The following PDZD2 variants were observed in gnomAD, a reference collection of about 807,000 sequenced individuals.
The protein encoded by PDZD2 is PDZ domain-containing protein 2.
In PDZD2, 90 loss-of-function variants were observed where a neutral mutation model predicts 220.7. The observed-to-expected ratio is 0.41, with a 90% CI of 0.34 to 0.49. PDZD2 has a LOEUF of 0.49. Ranked by LOEUF, PDZD2 falls within the 20% of genes least tolerant of loss-of-function variation. The pLI, the probability that PDZD2 is intolerant of heterozygous loss-of-function variation, is 0.28. For missense variants in PDZD2, 3,174 were observed against 3,608.5 expected, an observed-to-expected ratio of 0.88 and a Z score of 3.08; for synonymous variants, 1,375 against 1,450.5, an observed-to-expected ratio of 0.95 and a Z score of 1.18.
intron 1 of PDZD2, among the ~76,000 whole-genome samples, chr5:31,750,514 TGTGCAA>T (rs1750890001): frequency 6.6e-6 from 1 of 152,088 alleles, no homozygotes; most frequent in Non-Finnish European, 1.5e-5. Context: ...ATGAACACAA[TGTGCAA>T]GTGCATGTGT....
Position 32,110,251 on chromosome 5 carries a change from G to A in PDZD2, c.*2116G>A, listed in dbSNP as rs1745256094. The A allele has an allele frequency of 6.6e-6, 1 of 152,638 alleles. No individual in the cohort carries two copies. The highest frequency in any genetic ancestry group is 1.5e-5 in the Non-Finnish European group (1 of 68,052). 9.5% of individuals were successfully genotyped at this position (152,638 alleles called of 1,614,324 possible). On this transcript the variant is annotated 3_prime_UTR_variant, in exon 25 of 25. Transcript: ENST00000438447. ...TGTGCAATGTGGAGCAAATGGAATGGTCTCCTTCCGCAAGTCTTTTTAATC... is the reference window on the plus strand; with the variant it reads ...TGTGCAATGTGGAGCAAATGGAATGATCTCCTTCCGCAAGTCTTTTTAATC...
At chr5:31,764,190 T>C (rs1751847181) in intron 1 of PDZD2, among the ~76,000 whole-genome samples, 1 of 152,196 alleles carries the variant, frequency 6.6e-6, no homozygotes, top group South Asian at 2.1e-4. Flanking sequence ...CATGATAAAG[T>C]AAAGCATGAT....
At chr5:31,832,942 C>T (rs914462911) in intron 2 of PDZD2, among the ~76,000 whole-genome samples, 1 of 152,162 alleles carries the variant, frequency 6.6e-6, no homozygotes, top group African/African-American at 2.4e-5. Context: ...CCTTGGGGAA[C>T]ACATTGGTGT....
intron 24 of PDZD2, chr5:32,103,764 A>G (rs1055970908): frequency 6.6e-5 from 10 of 152,414 alleles, no homozygotes; most frequent in African/African-American, 2.4e-4. Flanking sequence ...TGCGAACCGA[A>G]GGACCAGGGC....
intron 4 of PDZD2, among the ~76,000 whole-genome samples, chr5:31,998,927 G>C (rs1751870977): frequency 6.6e-6 from 1 of 152,238 alleles, no homozygotes; most frequent in Non-Finnish European, 1.5e-5. Flanking sequence ...AGCCATGTCT[G>C]GCTCCTTTGG....
chr5:31,682,286 GT>G (rs1746681226), intron 1 of PDZD2, among the ~76,000 whole-genome samples: 1 of 152,186 alleles, frequency 6.6e-6, no homozygotes, highest in African/African-American at 2.4e-5. Context: ...TCTGTTTTAA[GT>G]TTGGGTGTGC....
Position 32,074,478 on chromosome 5 carries a change from A to G in PDZD2, c.3372A>G (p.Val1124=). 3 of 1,614,116 alleles carry G rather than the reference A, an allele frequency of 1.9e-6. No homozygotes were observed. The highest frequency in any genetic ancestry group is 2.5e-6 in the Non-Finnish European group (3 of 1,179,924). ...LGSRHRPVAR[V]SPHCKRSEAE... ...CCAGGCACAGACCAGTGGCCAGGGTAAGCCCCCACTGCAAGAGATCCGAGG... is the reference window on the plus strand; with the variant it reads ...CCAGGCACAGACCAGTGGCCAGGGTGAGCCCCCACTGCAAGAGATCCGAGG... Residue 1124 remains valine, a synonymous_variant, in exon 18 of 25, where the codon GTA becomes GTG. Coordinates refer to ENST00000438447, the MANE Select transcript of PDZD2 (RefSeq NM_178140.4).
At chr5:31,786,625 C>A (rs543417064) in intron 1 of PDZD2, among the ~76,000 whole-genome samples, 1 of 152,178 alleles carries the variant, frequency 6.6e-6, no homozygotes, top group African/African-American at 2.4e-5. Context: ...CCTAATGAGG[C>A]CAGCTACTTC....
chr5:32,041,316 A>G (rs958093456), intron 7 of PDZD2, among the ~76,000 whole-genome samples: 5 of 151,798 alleles, frequency 3.3e-5, no homozygotes, highest in Non-Finnish European at 5.9e-5. Context: ...CGGCTGCCCC[A>G]TCTGGGAGGT....
chr5:31,789,670 T>C (rs1211013460), intron 1 of PDZD2, among the ~76,000 whole-genome samples: 1 of 152,240 alleles, frequency 6.6e-6, no homozygotes, highest in Non-Finnish European at 1.5e-5. Flanking sequence ...GGCTCATGCC[T>C]ATAACGCCAG....
chr5:32,064,535 G>A (rs1415051444), intron 14 of PDZD2, among the ~76,000 whole-genome samples: 1 of 151,794 alleles, frequency 6.6e-6, no homozygotes, highest in African/African-American at 2.4e-5. Flanking sequence ...GAGCCACCAC[G>A]CCCGGCCTCA....
chr5:32,067,362 A>G (rs1310880042), intron 14 of PDZD2, among the ~76,000 whole-genome samples: 2 of 151,540 alleles, frequency 1.3e-5, no homozygotes, highest in East Asian at 1.9e-4. Context: ...TAGTATTAAG[A>G]AAAACAGCAA....
At chr5:32,097,666 T>G (rs570460659) in intron 22 of PDZD2, among the ~76,000 whole-genome samples, 1 of 152,294 alleles carries the variant, frequency 6.6e-6, no homozygotes, top group South Asian at 2.1e-4. Context: ...TAGAAAACAT[T>G]AGAATCAACT....
At chr5:31,700,123 G>A (rs1459868287) in intron 1 of PDZD2, among the ~76,000 whole-genome samples, 1 of 152,194 alleles carries the variant, frequency 6.6e-6, no homozygotes, top group African/African-American at 2.4e-5. Flanking sequence ...GCCAGGCAGA[G>A]GCCGTGGGAA....
At chr5:31,664,335 A>C (rs912177085) in intron 1 of PDZD2, among the ~76,000 whole-genome samples, 4 of 152,092 alleles carry the variant, frequency 2.6e-5, no homozygotes, top group Non-Finnish European at 5.9e-5. Flanking sequence ...TTAACATAAC[A>C]AAAAATCATT....
At chr5:31,812,236 G>GA (rs1482532186) in intron 2 of PDZD2, among the ~76,000 whole-genome samples, 1 of 152,056 alleles carries the variant, frequency 6.6e-6, no homozygotes, top group Non-Finnish European at 1.5e-5. Flanking sequence ...GCTAAGGTGA[G>GA]AAGCCTGAAA....
At chr5:31,647,816 C>A (rs1745189327) in intron 1 of PDZD2, among the ~76,000 whole-genome samples, 1 of 152,238 alleles carries the variant, frequency 6.6e-6, no homozygotes, top group Non-Finnish European at 1.5e-5. Context: ...CAGTACAACC[C>A]CTTTTGTGAT....
chr5:31,925,818 C>A (rs917630204), intron 2 of PDZD2, among the ~76,000 whole-genome samples: 3 of 151,130 alleles, frequency 2.0e-5, no homozygotes, highest in African/African-American at 7.3e-5. Context: ...AAAGACATTT[C>A]TCAGGGAAGA....
intron 1 of PDZD2, among the ~76,000 whole-genome samples, chr5:31,658,434 C>T (rs1248722766): frequency 2.6e-5 from 4 of 152,160 alleles, no homozygotes; most frequent in East Asian, 1.9e-4. Flanking sequence ...AGCTCAGGAG[C>T]GTGTCTCCTC....
Sources: allele counts gnomAD v4.1 joint callset (sites outside exome capture counted in the v4.1 genomes callset), GRCh38; gene constraint gnomAD v4.1.1; transcripts MANE v1.5; gene names NCBI Gene and HGNC (gene_info 2026-07-23, HGNC 2026-07-21).